Variants in MYBPC2 observed in about 807,000 individuals in gnomAD.
MYBPC2 encodes the protein myosin binding protein C2.
MYBPC2 carries 122 observed loss-of-function variants against 137.0 expected under a neutral mutation model. The observed-to-expected ratio is 0.89, with a 90% CI of 0.77 to 1.03. The LOEUF is 1.03. Among genes scored for constraint, MYBPC2 ranks in the 50% least tolerant of loss-of-function variants. The probability of loss-of-function intolerance (pLI) is 0.00; values close to 1 mark genes in which losing one functional copy is unlikely to be tolerated. For missense variants in MYBPC2, 1,500 were observed against 1,534.4 expected (o/e 0.98, Z 0.37); for synonymous variants, 626 against 612.3 (o/e 1.02, Z -0.33).
intron 20 of MYBPC2, among the ~76,000 whole-genome samples, chr19:50,457,985 T>C (rs777777871): frequency 6.6e-6 from 1 of 151,614 alleles, no homozygotes; most frequent in Non-Finnish European, 1.5e-5. Context: ...ACAAGCATGT[T>C]AGGGATGGTT....
chr19:50,440,805 A>G lies in MYBPC2; in HGVS notation c.573-75A>G, dbSNP rs10401266. ...GTGGCTTGGGTGAGTCACAGAGCCA[A>G]TGAGTGAAGAAGGCAGAGGGACATC... On this transcript the variant is annotated intron_variant, in intron 7 of 27. Coordinates refer to ENST00000357701, the MANE Select transcript of MYBPC2 (RefSeq NM_004533.4). The G allele has an allele frequency of 1.5e-3, 2,195 of 1,456,504 alleles. 39 individuals carry two copies. In the African/African-American group the frequency reaches 0.028, roughly 19 times the overall value. 90.2% of individuals were successfully genotyped at this position (1,456,504 alleles called of 1,614,324 possible).
chr19:50,448,095 GT>G, intron 12 of MYBPC2, 129 bp from the exon 13 acceptor site: 1 of 1,125,874 alleles, frequency 8.9e-7, no homozygotes, highest in Non-Finnish European at 1.2e-6. Context: ...AGGCCAACGG[GT>G]TGTTTCTGGG....
At chr19:50,450,979 C>G (rs1223901485) in intron 14 of MYBPC2, 44 bp downstream of exon 14, 10 of 1,508,886 alleles carry the variant, frequency 6.6e-6, no homozygotes, top group Non-Finnish European at 8.1e-6. Context: ...GTAGGATCCA[C>G]CCTCGCAGAC....
rs985591378 is a variant in MYBPC2, at chr19:50,458,642, C to G, written c.2394C>G (p.Val798=). The part of the protein sequence containing the change: ...TEPVERCGFT[V]KNLPTGARIL... ...CCGTGGAGCGCTGTGGCTTCACCGT[C>G]AAGAATCTCCCGACCGGAGCCAGAA... Residue 798 remains valine (V), a synonymous_variant, in exon 21 of 28, where the codon GTC becomes GTG. Transcript: ENST00000357701. 2 of 1,612,950 alleles carry G rather than the reference C, an allele frequency of 1.2e-6. No homozygotes were observed. Among genetic ancestry groups the G allele is most frequent in the Non-Finnish European group, 1.7e-6 (2 of 1,179,894 alleles).
chr19:50,436,794 TA>T, intron 5 of MYBPC2, 60 bp downstream of exon 5: 1 of 1,504,532 alleles, frequency 6.6e-7, no homozygotes, highest in Non-Finnish European at 9.2e-7. Context: ...TGGACAGATG[TA>T]CCAGCCAGGT....
intron 5 of MYBPC2, among the ~76,000 whole-genome samples, chr19:50,437,130 C>A (rs1316679574): frequency 6.6e-6 from 1 of 151,706 alleles, no homozygotes; most frequent in Non-Finnish European, 1.5e-5. Flanking sequence ...ATATATGGGC[C>A]CCTGAGGGTG....
At chr19:50,464,224 C>A in intron 26 of MYBPC2, 122 bp from the exon 27 acceptor site, 1 of 876,574 alleles carries the variant, frequency 1.1e-6, no homozygotes, top group Non-Finnish European at 1.7e-6. Flanking sequence ...GTGACTCGTC[C>A]AAGAACATCT....
In MYBPC2 at chr19:50,436,010, AG is replaced by A; in HGVS notation, c.198del. 1 of 1,576,896 alleles carries A rather than the reference AG, an allele frequency of 6.3e-7. No homozygotes were observed. Among genetic ancestry groups the A allele is most frequent in the East Asian group, 2.3e-5 (1 of 42,818 alleles). On this transcript the variant is annotated splice_acceptor_variant, in intron 3 of 27. Coordinates refer to ENST00000357701, the MANE Select transcript of MYBPC2 (RefSeq NM_004533.4). LOFTEE classifies it high-confidence loss of function. Reference sequence around the variant, plus strand: ...CTCTACCCTGTCACTCACCCCATGTAGGGAAGGACGCAGTGGTCGTGGCCAA... The same window carrying A: ...CTCTACCCTGTCACTCACCCCATGTAGGAAGGACGCAGTGGTCGTGGCCAA...
chr19:50,438,520 C>A (rs2039724067), intron 7 of MYBPC2, among the ~76,000 whole-genome samples: 1 of 152,164 alleles, frequency 6.6e-6, no homozygotes, highest in African/African-American at 2.4e-5. Context: ...CCCATCCACA[C>A]AGATAGCCCT....
At position 50,459,161 on chromosome 19, in the gene MYBPC2, C is replaced by A; in HGVS notation, c.2646C>A (p.Asp882Glu). The A allele has an allele frequency of 6.2e-7, 1 of 1,600,844 alleles. No homozygotes were observed. Among genetic ancestry groups the A allele is most frequent in the Non-Finnish European group, 8.5e-7 (1 of 1,175,664 alleles). The change falls in exon 23 of 28, where the codon GAC (aspartate) becomes GAA (glutamate). Residue 882 changes from aspartate (D) to glutamate (E), a missense_variant. Asp to Glu is a conservative substitution (Grantham distance 45). Coordinates refer to ENST00000357701, the MANE Select transcript of MYBPC2 (RefSeq NM_004533.4). ...GGACCAAGGGCGGGGCCCCGCTGGA[C>A]ACCTCCCGCGTGCACGTGCGGACCA... is the stretch of plus-strand genomic sequence containing the variant. ...VVWTKGGAPL[D>E]TSRVHVRTSD...
In MYBPC2 at chr19:50,440,986, G is replaced by A. The variant is rs1487990665; in HGVS notation, c.679G>A (p.Glu227Lys). 5.6e-6 allele frequency: 9 copies of A among 1,613,378 alleles called. No homozygotes were observed. The highest frequency in any genetic ancestry group is 1.3e-5 in the African/African-American group (1 of 75,030). The change falls in exon 8 of 28, where the codon GAG becomes AAG. Residue 227 changes from glutamate to lysine, a missense_variant. Transcript: ENST00000357701. The stretch of plus-strand genomic sequence containing the variant: ...GAAAGGGGCAAAGAAGAGCGAGTAC[G>A]AGAAAATCGCCTTCCAGTATGGCAT... ...LLKGAKKSEYEKIAFQYGITD... is the reference protein window; with the variant it reads ...LLKGAKKSEYKKIAFQYGITD...
intron 25 of MYBPC2, 90 bp downstream of exon 25, chr19:50,461,791 G>T: frequency 6.3e-7 from 1 of 1,589,938 alleles, no homozygotes. Flanking sequence ...CTCCCCACTG[G>T]GGTTGACGGC....
At chr19:50,444,949 TTGGTG>T (rs2039790947) in intron 11 of MYBPC2, among the ~76,000 whole-genome samples, 1 of 151,786 alleles carries the variant, frequency 6.6e-6, no homozygotes, top group South Asian at 2.1e-4. Context: ...ATCTGCTAAT[TTGGTG>T]ATAGTGGTGG....
At chr19:50,447,137 C>T (rs1044241903) in intron 12 of MYBPC2, among the ~76,000 whole-genome samples, 3 of 152,092 alleles carry the variant, frequency 2.0e-5, no homozygotes, top group African/African-American at 7.2e-5. Flanking sequence ...ACCTCCACCC[C>T]CCAGTACCCG....
rs61464350 is a variant in MYBPC2 at position 50,435,269 on chromosome 19, G to A, written c.109+19G>A. ...CCCAAAGGTGAGGAGGTGCTCCCTC[G>A]GGCTCAACCGACCTGGCTTCTCATC... On this transcript the variant is annotated intron_variant, in intron 2 of 27. Transcript: ENST00000357701. This position sits in a 1 kb window ranked among gnomAD's most constrained non-coding sequence, Gnocchi z 4.8. 4 of 945,090 alleles carry A rather than the reference G, an allele frequency of 4.2e-6. No homozygotes were observed. The highest frequency in any genetic ancestry group is 1.4e-5 in the South Asian group (1 of 72,468). 58.5% of individuals were successfully genotyped at this position (945,090 alleles called of 1,614,324 possible). A position where few individuals can be genotyped will look rare whatever the true frequency, so the allele number is the denominator to read the frequency against.
Position 50,464,523 on chromosome 19 carries a change from G to C in MYBPC2, c.3406G>C (p.Glu1136Gln). 1 of 1,607,428 alleles carries C rather than the reference G, an allele frequency of 6.2e-7. No homozygotes were observed. The highest frequency in any genetic ancestry group is 1.1e-5 in the South Asian group (1 of 90,330). ...LGEALAECKL[E>Q]VRVPQ is the part of the protein sequence containing the mutation. ...CGAGGCGCTGGCTGAGTGCAAGCTG[G>C]AGGTCCGAGGTGAGGGCGTGGCCAT... Residue 1136 changes from glutamate (E) to glutamine (Q), a missense_variant, in exon 27 of 28, where the codon GAG becomes CAG. By Grantham distance (29) the Glu-to-Gln change is conservative (BLOSUM62 2). Coordinates refer to ENST00000357701, the MANE Select transcript of MYBPC2 (RefSeq NM_004533.4).
rs761860300 is a variant in MYBPC2 at position 50,455,282 on chromosome 19, C to G, written c.2189C>G (p.Pro730Arg). The change falls in exon 19 of 28, where the codon CCT (proline) becomes CGT (arginine). Residue 730 changes from proline to arginine, a missense_variant. Coordinates refer to ENST00000357701, the MANE Select transcript of MYBPC2 (RefSeq NM_004533.4). ...TCCCAGCCCAGCATGAACACCAAGCCTTTTATGCCTATTGGTAATGTCCTC... is the reference window on the plus strand; with the variant it reads ...TCCCAGCCCAGCATGAACACCAAGCGTTTTATGCCTATTGGTAATGTCCTC... Reference protein sequence around the residue: ...GVSQPSMNTKPFMPIAPTSEP... With the variant: ...GVSQPSMNTKRFMPIAPTSEP... 6.2e-7 allele frequency: 1 copy of G among 1,613,296 alleles called. No individual in the cohort carries two copies. The highest frequency in any genetic ancestry group is 1.3e-5 in the African/African-American group (1 of 74,878).
rs1601293616 is a variant in MYBPC2, at chr19:50,455,102, C to T, written c.2015-6C>T. 1 of 1,608,640 alleles carries T rather than the reference C, an allele frequency of 6.2e-7. No homozygotes were observed. The highest frequency in any genetic ancestry group is 8.5e-7 in the Non-Finnish European group (1 of 1,177,754). The stretch of plus-strand genomic sequence containing the variant: ...CCCTCTTCTCCTCTCTGCTTGGAGC[C>T]TCCAGGGTACCTCGTAGAGCGGAAG... On this transcript the variant is annotated splice_polypyrimidine_tract_variant and splice_region_variant and intron_variant, in intron 18 of 27. Coordinates refer to ENST00000357701, the MANE Select transcript of MYBPC2 (RefSeq NM_004533.4).
At chr19:50,455,706 G>C in intron 20 of MYBPC2, 62 bp downstream of exon 20, 1 of 1,590,276 alleles carries the variant, frequency 6.3e-7, no homozygotes, top group Non-Finnish European at 8.6e-7. Flanking sequence ...TCCAGTCCAG[G>C]GAGCTGAAAA....
Sources: allele counts gnomAD v4.1 joint callset (sites outside exome capture counted in the v4.1 genomes callset), GRCh38; gene constraint gnomAD v4.1.1; non-coding constraint Gnocchi (gnomAD v3.1); transcripts MANE v1.5; gene names NCBI Gene and HGNC (gene_info 2026-07-23, HGNC 2026-07-21).